Variants in WDR27 observed in about 807,000 individuals in gnomAD.
WDR27 encodes WD repeat-containing protein 27.
Under a neutral mutation model 114.4 loss-of-function variants are expected in WDR27, and 100 were observed. The observed-to-expected ratio is 0.87, with a 90% CI of 0.74 to 1.03. The LOEUF (loss-of-function observed/expected upper bound fraction) is 1.03, where lower values mean the gene tolerates loss of function less well. WDR27 is among the 50% of genes least tolerant of loss of function. The pLI, the probability that WDR27 is intolerant of heterozygous loss-of-function variation, is 0.00. For synonymous variants in WDR27, 449 were observed against 423.1 expected, an observed-to-expected ratio of 1.06 and a Z score of -0.75; for missense variants, 1,129 against 1,092.9, an observed-to-expected ratio of 1.03 and a Z score of -0.47.
chr6:169,599,384 T>A (rs1053752658), intron 23 of WDR27, among the ~76,000 whole-genome samples: 7 of 152,216 alleles, frequency 4.6e-5, no homozygotes, highest in African/African-American at 1.7e-4. Context: ...ATGGTTTATT[T>A]ATTTATGGAC....
At chr6:169,587,399 AAT>A (rs1804872799) in intron 23 of WDR27, among the ~76,000 whole-genome samples, 1 of 151,774 alleles carries the variant, frequency 6.6e-6, no homozygotes. Context: ...TTGTATTTTT[AAT>A]AGAGACGGGG....
chr6:169,469,278 G>C (rs550248316), intron 25 of WDR27, among the ~76,000 whole-genome samples: 2 of 152,260 alleles, frequency 1.3e-5, no homozygotes, highest in East Asian at 3.9e-4. Context: ...CTTTGAAAAC[G>C]AAAGTTATAT....
At position 169,667,250 on chromosome 6, in the gene WDR27, A is replaced by C. The variant is rs1003896824; in HGVS notation, c.661-63T>G. 3.5e-6 allele frequency: 5 copies of C among 1,426,462 alleles called. No individual in the cohort carries two copies. In the African/African-American group the frequency reaches 7.3e-5, roughly 21 times the overall value. 88.4% of individuals were successfully genotyped at this position (1,426,462 alleles called of 1,614,324 possible). On this transcript the variant is annotated intron_variant, in intron 5 of 25. Coordinates refer to ENST00000448612, the MANE Select transcript of WDR27 (RefSeq NM_182552.5). ...ACGTTGCCATTATTGCAACAGGTGAAGCTAACAGTACTATTCACTATCAGA... is the reference window on the plus strand; with the variant it reads ...ACGTTGCCATTATTGCAACAGGTGACGCTAACAGTACTATTCACTATCAGA...
intron 23 of WDR27, among the ~76,000 whole-genome samples, chr6:169,597,868 T>G (rs1807117412): frequency 8.7e-6 from 1 of 115,014 alleles, no homozygotes; most frequent in African/African-American, 3.6e-5. Flanking sequence ...CTTCACCTCT[T>G]ACCATTCATA....
chr6:169,575,512 C>T (rs1222225417), intron 24 of WDR27, among the ~76,000 whole-genome samples: 3 of 152,086 alleles, frequency 2.0e-5, no homozygotes, highest in African/African-American at 4.8e-5. Context: ...TTGGTCTTAT[C>T]GCTCCCAACA....
At chr6:169,503,271 T>C (rs1341727371) in intron 25 of WDR27, among the ~76,000 whole-genome samples, 1 of 152,144 alleles carries the variant, frequency 6.6e-6, no homozygotes, top group African/African-American at 2.4e-5. Flanking sequence ...CACAGACAAC[T>C]GGGAGGAAAA....
chr6:169,554,658 T>A (rs915867895), intron 25 of WDR27, among the ~76,000 whole-genome samples: 2 of 152,096 alleles, frequency 1.3e-5, no homozygotes, highest in Non-Finnish European at 2.9e-5. Context: ...TTCTTCTGCG[T>A]TTCAGCTCAA....
intron 25 of WDR27, among the ~76,000 whole-genome samples, chr6:169,542,775 A>C (rs908497319): frequency 5.3e-5 from 5 of 94,716 alleles, no homozygotes; most frequent in Non-Finnish European, 1.4e-4. Flanking sequence ...TTGGAAACTA[A>C]ATTTATAATA....
intron 25 of WDR27, among the ~76,000 whole-genome samples, chr6:169,500,312 C>G (rs1456500768): frequency 6.6e-6 from 1 of 152,076 alleles, no homozygotes. Context: ...GCTTGCTATT[C>G]CAAATGAGGT....
chr6:169,574,363 T>A (rs1801915419), intron 24 of WDR27, among the ~76,000 whole-genome samples: 1 of 152,204 alleles, frequency 6.6e-6, no homozygotes, highest in Non-Finnish European at 1.5e-5. Flanking sequence ...TTTAAGCGTA[T>A]CTAGAAATTT....
intron 23 of WDR27, among the ~76,000 whole-genome samples, chr6:169,591,311 A>G (rs537131642): frequency 1.6e-4 from 25 of 152,284 alleles, no homozygotes; most frequent in African/African-American, 5.5e-4. Flanking sequence ...CATGATCTTC[A>G]TCTGATAATT....
In WDR27 at chr6:169,566,419, T is replaced by C. The variant is rs527850740; in HGVS notation, c.2645+6000A>G. On this transcript the variant is annotated intron_variant, in intron 25 of 25. Transcript: ENST00000448612. ...GCCCTCCAGCACCTGCCACAGACCC[T>C]GAGAGTGGCCACTGTCCCGGGGGCC... Among the ~76,000 whole-genome samples, 20 of 152,328 alleles carry C rather than the reference T, an allele frequency of 1.3e-4. No individual in the cohort carries two copies. In the East Asian group the frequency reaches 3.3e-3, roughly 25 times the overall value.
chr6:169,557,051 C>T (rs905944389), intron 25 of WDR27, among the ~76,000 whole-genome samples: 9 of 152,102 alleles, frequency 5.9e-5, no homozygotes, highest in East Asian at 3.9e-4. Context: ...TCGTGTCTCT[C>T]GCAAGAGAAA....
At chr6:169,458,114 G>C (rs1244608598) in intron 25 of WDR27, among the ~76,000 whole-genome samples, 2 of 152,168 alleles carry the variant, frequency 1.3e-5, no homozygotes, top group African/African-American at 4.8e-5. Context: ...TTGAAGGCTT[G>C]CAACTTCCAG....
the WDR27 span, among the ~76,000 whole-genome samples, chr6:169,434,626 C>A: frequency 6.6e-6 from 1 of 152,096 alleles, no homozygotes; most frequent in Non-Finnish European, 1.5e-5. Flanking sequence ...TGCCCCTGCC[C>A]TAGAGATCTG....
At chr6:169,645,270 A>T (rs920464601) in intron 16 of WDR27, among the ~76,000 whole-genome samples, 4 of 150,682 alleles carry the variant, frequency 2.7e-5, no homozygotes, top group Non-Finnish European at 5.9e-5. Flanking sequence ...TATGAGTCTC[A>T]CTGTAGAAAA....
intron 23 of WDR27, among the ~76,000 whole-genome samples, chr6:169,601,198 T>C (rs1041663196): frequency 2.0e-4 from 31 of 152,202 alleles, no homozygotes; most frequent in African/African-American, 7.5e-4. Flanking sequence ...CAGAATTTCA[T>C]ATCCAGCCAA....
At chr6:169,679,785 A>G (rs927826459) in intron 2 of WDR27, among the ~76,000 whole-genome samples, 1 of 152,228 alleles carries the variant, frequency 6.6e-6, no homozygotes, top group Non-Finnish European at 1.5e-5. Context: ...TAAATTATCC[A>G]GTCTCAGGTA....
At chr6:169,541,634 TCTAA>T (rs1796865616) in intron 25 of WDR27, among the ~76,000 whole-genome samples, 1 of 152,216 alleles carries the variant, frequency 6.6e-6, no homozygotes, top group African/African-American at 2.4e-5. Context: ...AAAAGCTTGG[TCTAA>T]CTGACAGATG....
Sources: allele counts gnomAD v4.1 joint callset (sites outside exome capture counted in the v4.1 genomes callset), GRCh38; gene constraint gnomAD v4.1.1; transcripts MANE v1.5; gene names NCBI Gene and HGNC (gene_info 2026-07-23, HGNC 2026-07-21).